The following NBPF20 variants were observed in gnomAD, a reference collection of about 807,000 sequenced individuals.
The protein encoded by NBPF20 is NBPF family member NBPF20.
Under a neutral mutation model 68.1 loss-of-function variants are expected in NBPF20, and 90 were observed. That is an observed-to-expected ratio of 1.32 (90% CI 1.11 to 1.58). The LOEUF (loss-of-function observed/expected upper bound fraction) is 1.58. Among genes scored for constraint, NBPF20 ranks in the 40% most tolerant of loss-of-function variants. NBPF20 has a pLI of 0.00. For missense variants in NBPF20, 816 were observed against 601.2 expected, an observed-to-expected ratio of 1.36 and a Z score of -3.74; for synonymous variants, 290 against 228.1, an observed-to-expected ratio of 1.27 and a Z score of -2.45.
exon 15 of NBPF20, chr1:145,389,143 C>T: frequency 5.1e-6 from 2 of 395,722 alleles, no homozygotes; most frequent in South Asian, 5.1e-5. Context: ...GGGTTTTGAT[C>T]TTCTTCCCCT....
upstream of NBPF20, among the ~76,000 whole-genome samples, chr1:145,409,107 A>G (rs1232005842): frequency 6.7e-6 from 1 of 149,216 alleles, no homozygotes; most frequent in East Asian, 2.0e-4. Context: ...AGCCACTGTC[A>G]CTTCAGGTCC....
chr1:145,404,530 T>C (rs1394572496), intron 2 of NBPF20, among the ~76,000 whole-genome samples: 3 of 152,150 alleles, frequency 2.0e-5, no homozygotes, highest in Non-Finnish European at 2.9e-5. Context: ...GTGCTGAGAT[T>C]ACAGGAGTGA....
At chr1:145,393,239 T>C in exon 10 of NBPF20, 1 of 633,246 alleles carries the variant, frequency 1.6e-6, no homozygotes, top group Non-Finnish European at 2.8e-6. Context: ...AGCAGCTCCC[T>C]GCTGAGCCTG....
rs1242284263 is a variant in NBPF20 at position 145,309,485 on chromosome 1, C to G, written c.13938-237G>C. Among the ~76,000 whole-genome samples the G allele has an allele frequency of 3.9e-5, 3 of 76,810 alleles. No homozygotes were observed. The East Asian group carries it at 8.0e-4, about 21-fold the overall frequency. The allele number at this position is 76,810 out of a possible 152,430, so 50.4% of individuals were successfully genotyped here. A position where few individuals can be genotyped will look rare whatever the true frequency, so the allele number is the denominator to read the frequency against. ...ACACACACACACACACACACAGACA[C>G]ACACACACACACAGAGAGAGAGAAC... On this transcript the variant is annotated intron_variant, in intron 115 of 137. Coordinates refer to ENST00000369373, the Ensembl canonical transcript of NBPF20.
At chr1:145,423,574 A>G in the NBPF20 span, among the ~76,000 whole-genome samples, 1 of 152,184 alleles carries the variant, frequency 6.6e-6, no homozygotes, top group Non-Finnish European at 1.5e-5. Flanking sequence ...TCCGGAAAAA[A>G]GTATTACAAA....
chr1:145,411,384 TTCC>T, the NBPF20 span, among the ~76,000 whole-genome samples: 1 of 147,400 alleles, frequency 6.8e-6, no homozygotes, highest in Non-Finnish European at 1.5e-5. Flanking sequence ...TTTGTTGACT[TTCC>T]TTTTTTTTTT....
chr1:145,421,988 T>C, the NBPF20 span, among the ~76,000 whole-genome samples: 1 of 151,486 alleles, frequency 6.6e-6, no homozygotes, highest in East Asian at 1.9e-4. Context: ...CAGAGACCCA[T>C]GATCATACCA....
At chr1:145,407,413 ATATACATGTATACACG>A (rs1177645982), upstream of NBPF20, among the ~76,000 whole-genome samples, 1 of 147,076 alleles carries the variant, frequency 6.8e-6, no homozygotes, top group Non-Finnish European at 1.5e-5. Context: ...TTATACACAT[ATATACATGTATACACG>A]TATACATGTA....
upstream of NBPF20, among the ~76,000 whole-genome samples, chr1:145,406,168 C>G (rs1389606532): frequency 2.0e-5 from 3 of 150,318 alleles, no homozygotes; most frequent in African/African-American, 7.4e-5. Flanking sequence ...ATCTCCTGAC[C>G]TCGTGATCTG....
rs1661973607 is a variant in NBPF20 at position 145,392,813 on chromosome 1, A to G, written c.1216+261T>C. Reference sequence around the variant, plus strand: ...AATCAGAGTTGTGTGAATTTGTCACATCTGCCCAGGTCGAACGTCATGAGA... The same window carrying G: ...AATCAGAGTTGTGTGAATTTGTCACGTCTGCCCAGGTCGAACGTCATGAGA... On this transcript the variant is annotated intron_variant, in intron 10 of 137. Transcript: ENST00000369373. 3.1e-5 allele frequency among the ~76,000 whole-genome samples: 3 copies of G among 96,824 alleles called. 1 individual carries two copies. Among genetic ancestry groups the G allele is most frequent in the Non-Finnish European group, 5.6e-5 (3 of 54,026 alleles). The allele number at this position is 96,824 out of a possible 152,430, so 63.5% of individuals were successfully genotyped here.
In NBPF20 at chr1:145,340,871, G is replaced by T; in HGVS notation, c.9164C>A (p.Ser3055Ter). 1 of 155,568 alleles carries T rather than the reference G, an allele frequency of 6.4e-6. No individual in the cohort carries two copies. The highest frequency in any genetic ancestry group is 9.4e-5 in the Admixed American group (1 of 10,628). The allele number at this position is 155,568 out of a possible 1,614,324, so 9.6% of individuals were successfully genotyped here. A position where few individuals can be genotyped will look rare whatever the true frequency, so the allele number is the denominator to read the frequency against. The stretch of plus-strand genomic sequence containing the variant: ...CAGTTCAAGACAACCTGAAGGAGTT[G>T]AATAACTTCTATCCAGTGAGTCCTG... Residue 3055 changes from serine to a stop codon, truncating the protein, a stop_gained, in exon 76 of 138, where the codon TCA becomes TAA. Coordinates refer to ENST00000369373, the Ensembl canonical transcript of NBPF20. LOFTEE classifies it high-confidence loss of function.
At chr1:145,397,650 T>G in intron 7 of NBPF20, among the ~76,000 whole-genome samples, 1 of 152,238 alleles carries the variant, frequency 6.6e-6, no homozygotes, top group Non-Finnish European at 1.5e-5. Context: ...GTAAAGACCA[T>G]TGACGCTAGG....
At chr1:145,393,454 C>CGCAA (rs1553662669) in intron 9 of NBPF20, among the ~76,000 whole-genome samples, 1 of 113,552 alleles carries the variant, frequency 8.8e-6, no homozygotes, top group Non-Finnish European at 1.9e-5. Context: ...CACACACACA[C>CGCAA]ACAAACACAC....
At chr1:145,291,799 G>A (rs782348588) in intron 137 of NBPF20, 30 bp from the exon 143 acceptor site, 11 of 1,611,788 alleles carry the variant, frequency 6.8e-6, no homozygotes, top group East Asian at 2.2e-5. Context: ...TAAAGAAGCA[G>A]CCAGGGAAAA....
At chr1:145,397,579 AG>A (rs1416969560) in intron 7 of NBPF20, among the ~76,000 whole-genome samples, 14 of 152,336 alleles carry the variant, frequency 9.2e-5, no homozygotes, top group African/African-American at 3.4e-4. Flanking sequence ...GAGCTCCTAA[AG>A]GAAGCAGTAA....
chr1:145,403,493 C>G (rs1241204549), intron 2 of NBPF20, among the ~76,000 whole-genome samples, 175 bp from the exon 8 acceptor site: 1 of 152,134 alleles, frequency 6.6e-6, no homozygotes, highest in African/African-American at 2.4e-5. Context: ...GGCATCTGAT[C>G]CTCCAAAATT....
chr1:145,402,779 G>A (rs1181499538), intron 3 of NBPF20, among the ~76,000 whole-genome samples: 4 of 149,582 alleles, frequency 2.7e-5, no homozygotes, highest in South Asian at 2.2e-4. Context: ...CAGATGGGGC[G>A]AATTGAAAAG....
At chr1:145,291,593 C>A (rs587763604) in exon 138 of NBPF20, 1 of 1,611,968 alleles carries the variant, frequency 6.2e-7, no homozygotes, top group African/African-American at 1.3e-5. Context: ...AGTAAAAAAC[C>A]TATTGTCCAC....
At chr1:145,403,161 T>G in intron 3 of NBPF20, 55 bp downstream of exon 8, 2 of 1,607,764 alleles carry the variant, frequency 1.2e-6, no homozygotes, top group Non-Finnish European at 1.7e-6. Flanking sequence ...CGAGCTGCTG[T>G]ATTTCAGAGA....
Sources: allele counts gnomAD v4.1 joint callset (sites outside exome capture counted in the v4.1 genomes callset), GRCh38; gene constraint gnomAD v4.1.1; transcripts MANE v1.5; gene names NCBI Gene and HGNC (gene_info 2026-07-23, HGNC 2026-07-21).